The following OR8G1 variants were observed in gnomAD, a reference collection of about 807,000 sequenced individuals.
The protein encoded by OR8G1 is olfactory receptor 8G1.
For synonymous variants in OR8G1, 129 were observed against 133.3 expected (o/e 0.97, Z 0.22); for missense variants, 372 against 356.2 (o/e 1.04, Z -0.36).
intron 1 of OR8G1, among the ~76,000 whole-genome samples, chr11:124,245,302 A>G (rs1412581905): frequency 6.8e-6 from 1 of 147,184 alleles, no homozygotes; most frequent in Non-Finnish European, 1.5e-5. Context: ...ACTAAGAATG[A>G]TGATTTCCAA....
rs1861873676 is a variant in OR8G1 at position 124,252,342 on chromosome 11, A to G, written c.*1731A>G. ...TGCTATTACTAGTGTATCTAAGTATAACTAGTGAAAAAATTGCCAGGATCC... is the reference window on the plus strand; with the variant it reads ...TGCTATTACTAGTGTATCTAAGTATGACTAGTGAAAAAATTGCCAGGATCC... On this transcript the variant is annotated 3_prime_UTR_variant, in exon 3 of 3. Coordinates refer to ENST00000641972, the MANE Select transcript of OR8G1 (RefSeq NM_001002905.2). The G allele has an allele frequency of 1.3e-5, 2 of 152,190 alleles. No individual in the cohort carries two copies. Among genetic ancestry groups the G allele is most frequent in the South Asian group, 4.1e-4 (2 of 4,832 alleles). 9.4% of individuals were successfully genotyped at this position (152,190 alleles called of 1,614,324 possible). A position where few individuals can be genotyped will look rare whatever the true frequency, so the allele number is the denominator to read the frequency against.
chr11:124,241,449 T>G (rs1315732525), intron 1 of OR8G1, 85 bp downstream of exon 1: 1 of 152,128 alleles, frequency 6.6e-6, no homozygotes, highest in Non-Finnish European at 1.5e-5. Flanking sequence ...CTATTATTCC[T>G]CATTATCTTT....
rs775552998 is a variant in OR8G1, at chr11:124,250,329, C to T, written c.654C>T (p.Tyr218=). Residue 218 remains tyrosine (Y), a synonymous_variant, in exon 3 of 3, where the codon TAC becomes TAT. Coordinates refer to ENST00000641972, the MANE Select transcript of OR8G1 (RefSeq NM_001002905.2). ...CCAGCCTGACCATCCTTTGCTCTTA[C>T]ATCTTTATTATTGCCAGCATCCTCC... ...LVPSLTILCS[Y]IFIIASILHI... 7.1e-5 allele frequency: 115 copies of T among 1,613,756 alleles called. No individual in the cohort carries two copies. The Middle Eastern group carries it at 8.3e-4, about 12-fold the overall frequency.
At chr11:124,249,081 AG>A (rs1861838629) in intron 2 of OR8G1, among the ~76,000 whole-genome samples, 1 of 152,154 alleles carries the variant, frequency 6.6e-6, no homozygotes, top group Non-Finnish European at 1.5e-5. Context: ...CTTGGTCCAG[AG>A]ACCATAAACC....
At chr11:124,243,359 A>G (rs2512224) in intron 1 of OR8G1, among the ~76,000 whole-genome samples, 77,585 of 151,738 alleles carry the variant, frequency 0.51, 20,473 homozygotes, top group South Asian at 0.7. Context: ...TATTGATCCT[A>G]TAGTGATCAC....
chr11:124,250,579 A>T lies in OR8G1; in HGVS notation c.904A>T (p.Lys302Ter). The T allele has an allele frequency of 1.1e-6, 1 of 903,596 alleles. No homozygotes were observed. The highest frequency in any genetic ancestry group is 2.7e-5 in the South Asian group (1 of 37,514). 56.0% of individuals were successfully genotyped at this position (903,596 alleles called of 1,614,324 possible). A position where few individuals can be genotyped will look rare whatever the true frequency, so the allele number is the denominator to read the frequency against. Residue 302 changes from lysine to a stop codon, truncating the protein, a stop_gained, in exon 3 of 3, where the codon AAG becomes TAG. Coordinates refer to ENST00000641972, the MANE Select transcript of OR8G1 (RefSeq NM_001002905.2). LOFTEE classifies it low-confidence loss of function (END_TRUNC). Reference sequence around the variant, plus strand: ...GAATAAAGATGTCCATGTTTCCCTGAAGAAAATGCTACAGAGAAGAACATT... The same window carrying T: ...GAATAAAGATGTCCATGTTTCCCTGTAGAAAATGCTACAGAGAAGAACATT... The part of the protein sequence containing the change: ...LRNKDVHVSL[K>*]KMLQRRTLL
At position 124,253,312 on chromosome 11, in the gene OR8G1, T is replaced by C. The variant is rs568398498; in HGVS notation, c.*2701T>C. 16 of 152,184 alleles carry C rather than the reference T, an allele frequency of 1.1e-4. No homozygotes were observed. Among genetic ancestry groups the C allele is most frequent in the African/African-American group, 3.6e-4 (15 of 41,494 alleles). The allele number at this position is 152,184 out of a possible 1,614,324, so 9.4% of individuals were successfully genotyped here. ...GGTGTGTGCCTGAAGTTCCAGCTACTTGGGAGGCTGAGGCAGGAGTATTGC... is the reference window on the plus strand; with the variant it reads ...GGTGTGTGCCTGAAGTTCCAGCTACCTGGGAGGCTGAGGCAGGAGTATTGC... On this transcript the variant is annotated 3_prime_UTR_variant, in exon 3 of 3. Transcript: ENST00000641972.
chr11:124,247,112 TA>T (rs1861818390), intron 1 of OR8G1, among the ~76,000 whole-genome samples: 1 of 151,670 alleles, frequency 6.6e-6, no homozygotes, highest in African/African-American at 2.4e-5. Flanking sequence ...TTCAAGAGGT[TA>T]GGGAAAAAAA....
rs564679318 is a variant in OR8G1 at position 124,254,304 on chromosome 11, A to T, written c.*3693A>T. ...GATTTGTAATTTTGAACACTTTTTC[A>T]TATACCTGTTGACCATTTTTATGTC... On this transcript the variant is annotated 3_prime_UTR_variant, in exon 3 of 3. Coordinates refer to ENST00000641972, the MANE Select transcript of OR8G1 (RefSeq NM_001002905.2). 2.0e-5 allele frequency: 3 copies of T among 152,128 alleles called. No homozygotes were observed. The allele number at this position is 152,128 out of a possible 1,614,324, so 9.4% of individuals were successfully genotyped here. A position where few individuals can be genotyped will look rare whatever the true frequency, so the allele number is the denominator to read the frequency against.
chr11:124,247,484 A>G (rs575827694), intron 1 of OR8G1, among the ~76,000 whole-genome samples: 5 of 152,014 alleles, frequency 3.3e-5, no homozygotes, highest in South Asian at 2.1e-4. Flanking sequence ...CTGAATAGTA[A>G]TATCTATTAA....
At position 124,250,477 on chromosome 11, in the gene OR8G1, A is replaced by G. The variant is rs757420694; in HGVS notation, c.802A>G (p.Met268Val). Residue 268 changes from methionine (M) to valine (V), a missense_variant, in exon 3 of 3, where the codon ATG (methionine) becomes GTG (valine). Physicochemically the swap from Met to Val is conservative, Grantham distance 21. Transcript: ENST00000641972. The stretch of plus-strand genomic sequence containing the variant: ...CTTGCAGCCATCTTCAATCAGCTCC[A>G]TGGACCAGGGGAAAGTATCCTCTGT... ...MYLQPSSISS[M>V]DQGKVSSVFY... The G allele has an allele frequency of 6.2e-7, 1 of 1,613,706 alleles. No homozygotes were observed. Among genetic ancestry groups the G allele is most frequent in the East Asian group, 2.2e-5 (1 of 44,868 alleles).
chr11:124,246,391 C>T (rs1861810906), intron 1 of OR8G1, among the ~76,000 whole-genome samples: 1 of 151,160 alleles, frequency 6.6e-6, no homozygotes, highest in Non-Finnish European at 1.5e-5. Context: ...GTAAAGATAC[C>T]TAAAGATCAA....
chr11:124,245,449 A>G (rs12289674), intron 1 of OR8G1, among the ~76,000 whole-genome samples: 2,318 of 149,352 alleles, frequency 0.016, 73 homozygotes, highest in African/African-American at 0.055. Context: ...AGTCTTTGCT[A>G]TTGTGAATAG....
At position 124,251,490 on chromosome 11, in the gene OR8G1, A is replaced by C; in HGVS notation, c.*879A>C. 1 of 635,276 alleles carries C rather than the reference A, an allele frequency of 1.6e-6. No individual in the cohort carries two copies. The highest frequency in any genetic ancestry group is 2.4e-6 in the Non-Finnish European group (1 of 408,190). The allele number at this position is 635,276 out of a possible 1,614,324, so 39.4% of individuals were successfully genotyped here. A position where few individuals can be genotyped will look rare whatever the true frequency, so the allele number is the denominator to read the frequency against. ...TTCAAGAATCTATAATATAACTGGT[A>C]ACATTCTGACCTATTCTATGCTAAG... On this transcript the variant is annotated 3_prime_UTR_variant, in exon 3 of 3. Coordinates refer to ENST00000641972, the MANE Select transcript of OR8G1 (RefSeq NM_001002905.2).
intron 1 of OR8G1, among the ~76,000 whole-genome samples, chr11:124,243,922 TTAAAA>T (rs1352405419): frequency 4.0e-5 from 6 of 150,474 alleles, no homozygotes; most frequent in East Asian, 2.0e-4. Context: ...ATCCCAGAAC[TTAAAA>T]TAAAAATTAA....
rs532467585 is a variant in OR8G1 at position 124,244,787 on chromosome 11, A to G, written c.-96-3014A>G. Among the ~76,000 whole-genome samples the G allele has an allele frequency of 5.9e-5, 9 of 152,066 alleles. No homozygotes were observed. The East Asian group carries it at 1.4e-3, about 23-fold the overall frequency. ...CTTAATTCTACTCCCATATCGGGCT[A>G]AATTGAATTTTTTTCATAAATCTAA... is the stretch of plus-strand genomic sequence containing the variant. On this transcript the variant is annotated intron_variant, in intron 1 of 2. Transcript: ENST00000641972.
Position 124,250,115 on chromosome 11 carries a change from G to T in OR8G1, c.440G>T (p.Gly147Val), listed in dbSNP as rs375286590. 9.9e-6 allele frequency: 16 copies of T among 1,613,634 alleles called. No homozygotes were observed. The highest frequency in any genetic ancestry group is 5.3e-5 in the African/African-American group (4 of 74,884). ...AAGGCTTGCTTTTCTCTGATTTTAG[G>T]GGTGTATATAATAGGCCTGGTTTGT... ...SNKACFSLIL[G>V]VYIIGLVCAS... The change falls in exon 3 of 3, where the codon GGG (glycine) becomes GTG (valine). Residue 147 changes from glycine to valine, a missense_variant. By Grantham distance (109) the Gly-to-Val change is moderately radical. Transcript: ENST00000641972.
chr11:124,245,957 T>C (rs563880821), intron 1 of OR8G1, among the ~76,000 whole-genome samples: 63 of 130,140 alleles, frequency 4.8e-4, no homozygotes, highest in African/African-American at 1.4e-3. Flanking sequence ...TTCTCCCATG[T>C]TGTAGGTTGC....
intron 1 of OR8G1, 86 bp from the exon 2 acceptor site, chr11:124,247,711 AAGAG>A (rs904584450): frequency 7.2e-6 from 1 of 138,852 alleles, no homozygotes; most frequent in Non-Finnish European, 1.6e-5. Context: ...CAGAGAGAGG[AAGAG>A]AGAGAGGGAG....
Sources: gnomAD v4.1 joint callset for allele counts (sites outside exome capture counted in the v4.1 genomes callset) on GRCh38, gnomAD v4.1.1 for gene constraint, MANE v1.5 for transcripts, NCBI Gene and HGNC (gene_info 2026-07-23, HGNC 2026-07-21) for gene names.